ROBO2: variants seen among roughly 807,000 people sequenced by gnomAD.
ROBO2 encodes the protein roundabout guidance receptor 2, also known as roundabout homolog 2.
Under a neutral mutation model 160.8 loss-of-function variants are expected in ROBO2, and 53 were observed. That is an observed-to-expected ratio of 0.33 (90% CI 0.26 to 0.41). ROBO2 has a LOEUF of 0.41. Ranked by LOEUF, ROBO2 falls within the 10% of genes least tolerant of loss-of-function variation. ROBO2 has a pLI of 1.00. For missense variants in ROBO2, 1,577 were observed against 1,722.4 expected (o/e 0.92, Z 1.49); for synonymous variants, 664 against 611.7 (o/e 1.09, Z -1.26).
chr3:76,324,425 T>C (rs867327210), intron 2 of ROBO2, among the ~76,000 whole-genome samples: 1 of 152,284 alleles, frequency 6.6e-6, no homozygotes, highest in Non-Finnish European at 1.5e-5. Flanking sequence ...TTTAGGGTGG[T>C]TTCTAAAGGT....
At chr3:77,533,770 G>A (rs1022033645) in intron 6 of ROBO2, among the ~76,000 whole-genome samples, 4 of 152,134 alleles carry the variant, frequency 2.6e-5, no homozygotes, top group Non-Finnish European at 5.9e-5. Flanking sequence ...CAACTGATTA[G>A]TAACCTTAAG....
intron 5 of ROBO2, among the ~76,000 whole-genome samples, chr3:77,496,680 G>A (rs531512047): frequency 2.0e-4 from 30 of 152,068 alleles, no homozygotes; most frequent in Non-Finnish European, 3.5e-4. Context: ...CAGCTGCATA[G>A]CCTGTAATTA....
At chr3:76,187,718 A>G (rs1049362021) in intron 2 of ROBO2, among the ~76,000 whole-genome samples, 1 of 152,126 alleles carries the variant, frequency 6.6e-6, no homozygotes, top group Admixed American at 6.6e-5. Context: ...AGCAGCAGAC[A>G]TTTCTGTTGA....
intron 2 of ROBO2, among the ~76,000 whole-genome samples, chr3:76,934,186 G>C (rs2077531916): frequency 6.8e-6 from 1 of 146,194 alleles, no homozygotes; most frequent in South Asian, 2.2e-4. Context: ...GAAGTGACTT[G>C]TGTATGACAT....
chr3:76,696,474 C>T (rs764365624), intron 2 of ROBO2, among the ~76,000 whole-genome samples: 1 of 151,588 alleles, frequency 6.6e-6, no homozygotes, highest in Non-Finnish European at 1.5e-5. Context: ...ATTGCTGGCT[C>T]GAATGCCTGG....
At chr3:77,335,894 A>T (rs2066447899) in intron 2 of ROBO2, among the ~76,000 whole-genome samples, 1 of 152,222 alleles carries the variant, frequency 6.6e-6, no homozygotes, top group Non-Finnish European at 1.5e-5. Context: ...TAACTGAGTC[A>T]GTTAATGATG....
At chr3:76,791,451 GTCTCTCTCTCTCTCTTT>G (rs924546972) in intron 2 of ROBO2, among the ~76,000 whole-genome samples, 1 of 149,944 alleles carries the variant, frequency 6.7e-6, no homozygotes, top group African/African-American at 2.5e-5. Flanking sequence ...CTGCTTTCAT[GTCTCTCTCTCTCTCTTT>G]TCTCTCTCTC....
intron 2 of ROBO2, among the ~76,000 whole-genome samples, chr3:76,396,643 A>G (rs1226584793): frequency 6.6e-6 from 1 of 152,218 alleles, no homozygotes; most frequent in Non-Finnish European, 1.5e-5. Context: ...TAAAAAATCA[A>G]TGTACAAAAA....
At chr3:76,153,052 AGTT>A (rs1388808043) in intron 2 of ROBO2, among the ~76,000 whole-genome samples, 6 of 152,212 alleles carry the variant, frequency 3.9e-5, no homozygotes, top group African/African-American at 1.4e-4. Context: ...ATGTGTTATT[AGTT>A]AACTATGAGT....
chr3:77,072,662 A>G (rs1335799739), intron 1 of ROBO2, among the ~76,000 whole-genome samples: 1 of 152,148 alleles, frequency 6.6e-6, no homozygotes, highest in African/African-American at 2.4e-5. Context: ...ACATATACAC[A>G]ATGGGATAGT....
intron 2 of ROBO2, among the ~76,000 whole-genome samples, chr3:76,407,529 T>G (rs2075269555): frequency 6.6e-6 from 1 of 151,790 alleles, no homozygotes; most frequent in Non-Finnish European, 1.5e-5. Context: ...AAAATACCCA[T>G]GTGAATATAG....
chr3:76,398,051 A>G, intron 2 of ROBO2, among the ~76,000 whole-genome samples: 1 of 152,110 alleles, frequency 6.6e-6, no homozygotes, highest in South Asian at 2.1e-4. Context: ...CACTATTCAC[A>G]ATAGCAAAGA....
chr3:76,837,749 G>A (rs2067838629), intron 2 of ROBO2, among the ~76,000 whole-genome samples: 1 of 151,768 alleles, frequency 6.6e-6, no homozygotes. Context: ...GTACAATCTT[G>A]TTCATAACCA....
At chr3:77,151,103 T>G (rs1163884358) in intron 2 of ROBO2, among the ~76,000 whole-genome samples, 1 of 152,156 alleles carries the variant, frequency 6.6e-6, no homozygotes, top group East Asian at 1.9e-4. Context: ...TAGACCTAGA[T>G]CTTGTCCTCT....
intron 2 of ROBO2, among the ~76,000 whole-genome samples, chr3:77,344,214 A>T (rs75624885): frequency 2.0e-5 from 3 of 152,196 alleles, no homozygotes; most frequent in African/African-American, 7.2e-5. Context: ...AGAGTCAGCC[A>T]TGTGAAGATC....
chr3:76,221,543 C>T (rs1026119398), intron 2 of ROBO2, among the ~76,000 whole-genome samples: 1 of 152,340 alleles, frequency 6.6e-6, no homozygotes, highest in South Asian at 2.1e-4. Context: ...TTAATTGTGG[C>T]TGTTGATGAA....
chr3:76,076,974 G>C (rs1320158470), intron 2 of ROBO2, among the ~76,000 whole-genome samples: 1 of 152,110 alleles, frequency 6.6e-6, no homozygotes, highest in Non-Finnish European at 1.5e-5. Flanking sequence ...TGGAGTATTG[G>C]CCAGTATTTT....
intron 1 of ROBO2, chr3:75,907,034 C>G (rs957692777): frequency 4.6e-5 from 7 of 152,448 alleles, no homozygotes; most frequent in African/African-American, 1.7e-4. Flanking sequence ...CTCAGCTCCC[C>G]CAAGCGCTGC....
At chr3:77,223,105 A>G (rs1285813490) in intron 2 of ROBO2, among the ~76,000 whole-genome samples, 1 of 152,186 alleles carries the variant, frequency 6.6e-6, no homozygotes, top group Non-Finnish European at 1.5e-5. Flanking sequence ...TCTTACAGTT[A>G]CAGAAGCTTA....
Sources: allele counts gnomAD v4.1 joint callset (sites outside exome capture counted in the v4.1 genomes callset), GRCh38; gene constraint gnomAD v4.1.1; transcripts MANE v1.5; gene names NCBI Gene and HGNC (gene_info 2026-07-23, HGNC 2026-07-21).